Variants in DSCAM observed in about 807,000 individuals in gnomAD.
The protein encoded by DSCAM is cell adhesion molecule DSCAM.
A neutral mutation model predicts 217.7 loss-of-function variants in DSCAM; 47 were observed. That is an observed-to-expected ratio of 0.22 (90% CI 0.17 to 0.28). The LOEUF (loss-of-function observed/expected upper bound fraction) is 0.28. Ranked by LOEUF, DSCAM falls within the 10% of genes least tolerant of loss-of-function variation. DSCAM has a pLI of 1.00. For missense variants in DSCAM, 2,080 were observed against 2,618.3 expected, an observed-to-expected ratio of 0.79 and a Z score of 4.49; for synonymous variants, 1,056 against 1,015.3, an observed-to-expected ratio of 1.04 and a Z score of -0.76.
intron 16 of DSCAM, among the ~76,000 whole-genome samples, chr21:40,149,311 G>T (rs535034071): frequency 9.3e-6 from 1 of 107,730 alleles, no homozygotes; most frequent in Admixed American, 9.3e-5. Context: ...ACCACCATCC[G>T]TCACTTCATC....
intron 3 of DSCAM, among the ~76,000 whole-genome samples, chr21:40,563,726 G>A (rs34247377): frequency 0.22 from 31,736 of 141,468 alleles, 3,914 homozygotes; most frequent in African/African-American, 0.27. Flanking sequence ...GTTTATATAT[G>A]TTTATATGTT....
intron 11 of DSCAM, among the ~76,000 whole-genome samples, chr21:40,250,762 C>T (rs569433369): frequency 1.3e-5 from 2 of 152,308 alleles, no homozygotes; most frequent in African/African-American, 4.8e-5. Flanking sequence ...TGAAAGATTA[C>T]TGACATGTTC....
intron 1 of DSCAM, among the ~76,000 whole-genome samples, chr21:40,810,194 T>C (rs981452290): frequency 1.3e-5 from 2 of 152,204 alleles, no homozygotes; most frequent in African/African-American, 2.4e-5. Flanking sequence ...TGATCAAACA[T>C]AGCCTTCACC....
chr21:40,577,100 CCATT>C (rs1982947596), intron 3 of DSCAM, among the ~76,000 whole-genome samples: 1 of 151,432 alleles, frequency 6.6e-6, no homozygotes, highest in African/African-American at 2.4e-5. Flanking sequence ...ATTAATTCAT[CCATT>C]CATTCATATA....
intron 1 of DSCAM, among the ~76,000 whole-genome samples, chr21:40,758,036 A>G (rs772324370): frequency 3.9e-5 from 6 of 152,192 alleles, no homozygotes; most frequent in Non-Finnish European, 8.8e-5. Context: ...TCTTATAAGA[A>G]GAGGAAAATC....
chr21:40,452,979 T>G (rs2075732330), intron 3 of DSCAM, among the ~76,000 whole-genome samples: 2 of 151,926 alleles, frequency 1.3e-5, no homozygotes, highest in Admixed American at 1.3e-4. Context: ...TTTCCAGTCT[T>G]TCTTTGCCTG....
chr21:40,435,843 A>G (rs1445826810), intron 3 of DSCAM, among the ~76,000 whole-genome samples: 1 of 152,168 alleles, frequency 6.6e-6, no homozygotes, highest in Non-Finnish European at 1.5e-5. Context: ...TTCAATAGAA[A>G]CCATACTTTG....
intron 11 of DSCAM, among the ~76,000 whole-genome samples, chr21:40,213,029 C>A (rs2091200807): frequency 6.6e-6 from 1 of 152,196 alleles, no homozygotes; most frequent in Non-Finnish European, 1.5e-5. Flanking sequence ...GGCACCAGCC[C>A]TGCTGACTTC....
intron 3 of DSCAM, among the ~76,000 whole-genome samples, chr21:40,454,187 C>T (rs968567011): frequency 1.3e-5 from 2 of 152,264 alleles, no homozygotes; most frequent in South Asian, 2.1e-4. Flanking sequence ...TAAACTCTCA[C>T]CATGTTCAGG....
At chr21:40,459,112 C>T (rs886689316) in intron 3 of DSCAM, among the ~76,000 whole-genome samples, 1 of 151,810 alleles carries the variant, frequency 6.6e-6, no homozygotes, top group African/African-American at 2.4e-5. Flanking sequence ...GCAAAAGGAA[C>T]AAGTTAATAA....
At chr21:40,396,874 T>C (rs2075183358) in intron 3 of DSCAM, among the ~76,000 whole-genome samples, 1 of 152,178 alleles carries the variant, frequency 6.6e-6, no homozygotes, top group African/African-American at 2.4e-5. Context: ...ATCTAAGTCC[T>C]TTTCTTAGGA....
intron 18 of DSCAM, among the ~76,000 whole-genome samples, chr21:40,134,269 C>T (rs2090184895): frequency 6.6e-6 from 1 of 152,092 alleles, no homozygotes; most frequent in Non-Finnish European, 1.5e-5. Flanking sequence ...GTAATTCGCT[C>T]CAAGTTAAGT....
intron 1 of DSCAM, among the ~76,000 whole-genome samples, chr21:40,832,969 G>C (rs1288972823): frequency 6.6e-6 from 1 of 152,172 alleles, no homozygotes; most frequent in East Asian, 1.9e-4. Flanking sequence ...CGGCATGCAA[G>C]AGCAAACCTA....
intron 29 of DSCAM, among the ~76,000 whole-genome samples, chr21:40,055,263 T>A (rs1327001526): frequency 6.6e-6 from 1 of 152,144 alleles, no homozygotes; most frequent in Non-Finnish European, 1.5e-5. Flanking sequence ...CAAAGACATG[T>A]GTTTGTTTAA....
intron 1 of DSCAM, among the ~76,000 whole-genome samples, chr21:40,745,740 A>C (rs1406367214): frequency 6.6e-6 from 1 of 152,178 alleles, no homozygotes; most frequent in Non-Finnish European, 1.5e-5. Context: ...TAAAAGTAAG[A>C]ATACAGACAA....
At chr21:40,071,620 T>C (rs1279980544) in intron 27 of DSCAM, among the ~76,000 whole-genome samples, 1 of 152,212 alleles carries the variant, frequency 6.6e-6, no homozygotes, top group African/African-American at 2.4e-5. Context: ...ATAATTCAAA[T>C]CTCCTTATTT....
At chr21:40,770,516 A>G (rs2091435157) in intron 1 of DSCAM, among the ~76,000 whole-genome samples, 1 of 152,240 alleles carries the variant, frequency 6.6e-6, no homozygotes, top group Non-Finnish European at 1.5e-5. Flanking sequence ...CCATGGAAAA[A>G]GAATGCAATA....
intron 11 of DSCAM, among the ~76,000 whole-genome samples, chr21:40,197,353 T>C (rs887420550): frequency 6.6e-6 from 1 of 151,988 alleles, no homozygotes. Context: ...CTCCTGACCT[T>C]GCGATCCACC....
At chr21:40,484,606 T>A (rs2076009388) in intron 3 of DSCAM, among the ~76,000 whole-genome samples, 1 of 132,932 alleles carries the variant, frequency 7.5e-6, no homozygotes, top group African/African-American at 3.0e-5. Flanking sequence ...AAAAAGAAAC[T>A]CTTGGATAAT....
Sources: allele counts gnomAD v4.1 joint callset (sites outside exome capture counted in the v4.1 genomes callset), GRCh38; gene constraint gnomAD v4.1.1; transcripts MANE v1.5; gene names NCBI Gene and HGNC (gene_info 2026-07-23, HGNC 2026-07-21).